Variants in FANCD2OS observed in about 807,000 individuals in gnomAD.
FANCD2OS encodes FANCD2 opposite strand protein.
FANCD2OS carries 11 observed loss-of-function variants against 13.2 expected under a neutral mutation model. The observed-to-expected ratio is 0.83, with a 90% CI of 0.52 to 1.38. The LOEUF (loss-of-function observed/expected upper bound fraction) is 1.38, where lower values mean the gene tolerates loss of function less well. FANCD2OS is among the 40% of genes most tolerant of loss of function. The probability of loss-of-function intolerance (pLI) is 0.00; values close to 1 mark genes in which losing one functional copy is unlikely to be tolerated. For missense variants in FANCD2OS, 217 were observed against 213.9 expected (o/e 1.01, Z -0.09); for synonymous variants, 69 against 84.5 (o/e 0.82, Z 1.01).
rs755432944 is a variant in FANCD2OS, at chr3:10,104,348, G to A, written c.427C>T (p.Pro143Ser). 1 of 1,614,168 alleles carries A rather than the reference G, an allele frequency of 6.2e-7. No individual in the cohort carries two copies. The highest frequency in any genetic ancestry group is 1.7e-5 in the Admixed American group (1 of 60,020). The change falls in exon 2 of 2, where the codon CCT (proline) becomes TCT (serine). Residue 143 changes from proline (P) to serine (S), a missense_variant. Transcript: ENST00000450660. ...EHQWPIGLKE[P>S]QIQMTVTMCK... ...ATAGTGACTGTCATCTGAATCTGAG[G>A]CTCCTTCAGTCCAATGGGCCACTGG...
In FANCD2OS at chr3:10,108,034, C is replaced by G. The variant is rs1695549783; in HGVS notation, c.-28G>C. 1 of 152,322 alleles carries G rather than the reference C, an allele frequency of 6.6e-6. No homozygotes were observed. Among genetic ancestry groups the G allele is most frequent in the South Asian group, 2.1e-4 (1 of 4,832 alleles). The allele number at this position is 152,322 out of a possible 1,614,324, so 9.4% of individuals were successfully genotyped here. A position where few individuals can be genotyped will look rare whatever the true frequency, so the allele number is the denominator to read the frequency against. On this transcript the variant is annotated 5_prime_UTR_variant, in exon 1 of 2. Coordinates refer to ENST00000450660, the MANE Select transcript of FANCD2OS (RefSeq NM_001164839.2). ...CCCCACCTGGGAAACAGGGCGTTAGCGCCAAAGTGCAGCTGAGGTCCTGAA... is the reference window on the plus strand; with the variant it reads ...CCCCACCTGGGAAACAGGGCGTTAGGGCCAAAGTGCAGCTGAGGTCCTGAA...
chr3:10,093,770 T>C (rs950462702), intron 2 of FANCD2OS, among the ~76,000 whole-genome samples: 1 of 152,134 alleles, frequency 6.6e-6, no homozygotes, highest in Non-Finnish European at 1.5e-5. Flanking sequence ...AGTCAGAATG[T>C]TATGGGGAGA....
In FANCD2OS at chr3:10,082,919, T is replaced by C. The variant is rs555611642; in HGVS notation, c.*44-1388A>G. Reference sequence around the variant, plus strand: ...TTGAACAATTTATCAAAGAGACTTATAGATGGCAAATAAACATGTGAAAGG... The same window carrying C: ...TTGAACAATTTATCAAAGAGACTTACAGATGGCAAATAAACATGTGAAAGG... On this transcript the variant is annotated intron_variant, in intron 2 of 2. Coordinates refer to the FANCD2OS transcript ENST00000524279. 2.0e-5 allele frequency among the ~76,000 whole-genome samples: 3 copies of C among 152,314 alleles called. No individual in the cohort carries two copies. In the South Asian group the frequency reaches 6.2e-4, roughly 32 times the overall value.
chr3:10,095,100 C>T, intron 2 of FANCD2OS: 1 of 989,502 alleles, frequency 1.0e-6, no homozygotes, highest in Admixed American at 1.9e-5. Context: ...CTGGAAACTG[C>T]AGAGTTTATC....
chr3:10,103,591 G>C (rs2125108809), downstream of FANCD2OS, among the ~76,000 whole-genome samples: 1 of 152,048 alleles, frequency 6.6e-6, no homozygotes, highest in East Asian at 1.9e-4. Flanking sequence ...CCAAAAAAAT[G>C]CTACAAAATT....
rs145139945 is a variant in FANCD2OS at position 10,086,505 on chromosome 3, T to C, written c.*44-4974A>G. Among the ~76,000 whole-genome samples, 11 of 152,190 alleles carry C rather than the reference T, an allele frequency of 7.2e-5. 1 individual carries two copies. Among genetic ancestry groups the C allele is most frequent in the African/African-American group, 2.2e-4 (9 of 41,512 alleles). ...AGGACCTTATATCTTCTTTTTTTTT[T>C]CTTTGAGAGAGAGTCTCACTTTGTC... On this transcript the variant is annotated intron_variant, in intron 2 of 2. Transcript: ENST00000524279.
At chr3:10,098,223 C>T (rs549507467), downstream of FANCD2OS, among the ~76,000 whole-genome samples, 1 of 152,246 alleles carries the variant, frequency 6.6e-6, no homozygotes, top group East Asian at 1.9e-4. Context: ...AATTGAAGCT[C>T]AGAGAAGTTA....
chr3:10,102,788 A>G (rs1695354293), downstream of FANCD2OS: 1 of 160,452 alleles, frequency 6.2e-6, no homozygotes, highest in African/African-American at 2.5e-5. Context: ...GCTTGCAGTG[A>G]GCTGAGATTG....
rs752630007 is a variant in FANCD2OS at position 10,092,276 on chromosome 3, C to T, written c.*44-10745G>A. ...AGGTGAGTATGGAGACTGCTTGACA[C>T]ATCTCACCAAATAACTGCAGAAACC... On this transcript the variant is annotated intron_variant, in intron 2 of 2. Coordinates refer to the FANCD2OS transcript ENST00000524279. The T allele has an allele frequency of 2.0e-5, 31 of 1,553,736 alleles. No homozygotes were observed. The Admixed American group carries it at 3.7e-4, about 18-fold the overall frequency.
In FANCD2OS at chr3:10,085,799, T is replaced by C. The variant is rs996065278; in HGVS notation, c.*44-4268A>G. The C allele has an allele frequency of 6.9e-6, 11 of 1,584,000 alleles. No homozygotes were observed. Among genetic ancestry groups the C allele is most frequent in the African/African-American group, 5.4e-5 (4 of 74,368 alleles). Reference sequence around the variant, plus strand: ...AGAAACTAAGCTAACCCCTCTTACCTTGACTTCCTTAGGAGTGGATTTTCT... The same window carrying C: ...AGAAACTAAGCTAACCCCTCTTACCCTGACTTCCTTAGGAGTGGATTTTCT... On this transcript the variant is annotated intron_variant, in intron 2 of 2. Transcript: ENST00000524279.
At chr3:10,083,425 G>A (rs369844298) in intron 2 of FANCD2OS, 1 of 152,232 alleles carries the variant, frequency 6.6e-6, no homozygotes, top group African/African-American at 2.4e-5. Context: ...AGCATGCCAA[G>A]TGTTGGTGAG....
intron 2 of FANCD2OS, among the ~76,000 whole-genome samples, chr3:10,091,557 C>T (rs34080457): frequency 2.0e-5 from 3 of 152,054 alleles, no homozygotes; most frequent in Non-Finnish European, 4.4e-5. Flanking sequence ...TGTCTAGCTC[C>T]GTTCTGGTTA....
At chr3:10,082,467 T>A (rs762740358) in intron 2 of FANCD2OS, among the ~76,000 whole-genome samples, 2 of 152,180 alleles carry the variant, frequency 1.3e-5, no homozygotes. Context: ...GATTTCTGAT[T>A]GCTCTTAGAT....
At chr3:10,088,466 T>C in intron 2 of FANCD2OS, 1 of 1,609,156 alleles carries the variant, frequency 6.2e-7, no homozygotes, top group Non-Finnish European at 8.5e-7. Context: ...TGCCAGACAA[T>C]TCCTCTGTCG....
At position 10,088,319 on chromosome 3, in the gene FANCD2OS, T is replaced by A. The variant is rs914093840; in HGVS notation, c.*44-6788A>T. 13 of 731,526 alleles carry A rather than the reference T, an allele frequency of 1.8e-5. No individual in the cohort carries two copies. The African/African-American group carries it at 2.3e-4, about 13-fold the overall frequency. The allele number at this position is 731,526 out of a possible 1,614,324, so 45.3% of individuals were successfully genotyped here. A position where few individuals can be genotyped will look rare whatever the true frequency, so the allele number is the denominator to read the frequency against. ...GTGACAGCTTTTTGTAAGTTGCCTG[T>A]TAGACCGGGAACGTCTTAGTAAATC... On this transcript the variant is annotated intron_variant, in intron 2 of 2. Transcript: ENST00000524279.
chr3:10,096,493 G>T, intron 2 of FANCD2OS: 4 of 1,612,602 alleles, frequency 2.5e-6, no homozygotes, highest in Non-Finnish European at 3.4e-6. Context: ...GATCCTGCTA[G>T]TGATAATCCC....
Position 10,087,795 on chromosome 3 carries a change from C to T in FANCD2OS, c.*44-6264G>A, listed in dbSNP as rs189320600. 9.0e-4 allele frequency among the ~76,000 whole-genome samples: 137 copies of T among 152,116 alleles called. No homozygotes were observed. In the Middle Eastern group the frequency reaches 0.017, roughly 19 times the overall value. ...TTTCAAGTAGCTGGGATTACAGGTG[C>T]GCACCACCGTGCCCAGCCAATTTTT... On this transcript the variant is annotated intron_variant, in intron 2 of 2. Coordinates refer to the FANCD2OS transcript ENST00000524279.
chr3:10,104,441 G>T lies in FANCD2OS; in HGVS notation c.334C>A (p.Pro112Thr). 1 of 1,614,182 alleles carries T rather than the reference G, an allele frequency of 6.2e-7. No individual in the cohort carries two copies. Among genetic ancestry groups the T allele is most frequent in the Non-Finnish European group, 8.5e-7 (1 of 1,180,038 alleles). ...VFGRVITAQP[P>T]KWTGTFRVSD... ...ACTCTGAAAGTCCCGGTCCACTTTGGTGGCTGAGCTGTGATAACCCTGCCA... is the reference window on the plus strand; with the variant it reads ...ACTCTGAAAGTCCCGGTCCACTTTGTTGGCTGAGCTGTGATAACCCTGCCA... Residue 112 changes from proline (P) to threonine (T), a missense_variant, in exon 2 of 2, where the codon CCA (proline) becomes ACA (threonine). Transcript: ENST00000450660.
At chr3:10,084,487 G>A (rs1035295548) in intron 2 of FANCD2OS, among the ~76,000 whole-genome samples, 1 of 151,208 alleles carries the variant, frequency 6.6e-6, no homozygotes, top group African/African-American at 2.4e-5. Context: ...TGGTAGAGAC[G>A]GGGTTTCGCC....
Sources: allele counts gnomAD v4.1 joint callset (sites outside exome capture counted in the v4.1 genomes callset), GRCh38; gene constraint gnomAD v4.1.1; transcripts MANE v1.5; gene names NCBI Gene and HGNC (gene_info 2026-07-23, HGNC 2026-07-21).